The following SNAP91 variants were observed in gnomAD, a reference collection of about 807,000 sequenced individuals.
The protein encoded by SNAP91 is synaptosome associated protein 91.
SNAP91 carries 27 observed loss-of-function variants against 100.3 expected under a neutral mutation model. The ratio of observed to expected loss-of-function variants is 0.27; its 90% CI spans 0.20 to 0.37. SNAP91 has a LOEUF of 0.37. Ranked by LOEUF, SNAP91 falls within the 10% of genes least tolerant of loss-of-function variation. The pLI, the probability that SNAP91 is intolerant of heterozygous loss-of-function variation, is 1.00. For missense variants in SNAP91, 986 were observed against 1,123.7 expected, an observed-to-expected ratio of 0.88 and a Z score of 1.75; for synonymous variants, 404 against 398.6, an observed-to-expected ratio of 1.01 and a Z score of -0.16.
chr6:83,573,912 A>C (rs528714410), intron 26 of SNAP91, among the ~76,000 whole-genome samples: 68 of 152,358 alleles, frequency 4.5e-4, no homozygotes, highest in Non-Finnish European at 7.5e-4. Flanking sequence ...CATGTCTAAA[A>C]CACCAAAAGC....
intron 8 of SNAP91, among the ~76,000 whole-genome samples, chr6:83,633,577 G>A (rs997464031): frequency 2.6e-5 from 4 of 152,038 alleles, no homozygotes; most frequent in African/African-American, 9.7e-5. Context: ...TTGGGGGTGA[G>A]GTTCCCAGGT....
intron 14 of SNAP91, among the ~76,000 whole-genome samples, chr6:83,603,553 G>T (rs554885828): frequency 3.2e-4 from 48 of 151,566 alleles, no homozygotes; most frequent in Admixed American, 1.7e-3. Context: ...TGGTAAATCA[G>T]TGAGTTCGTT....
chr6:83,654,761 A>G (rs1279965374), intron 7 of SNAP91, among the ~76,000 whole-genome samples: 1 of 152,190 alleles, frequency 6.6e-6, no homozygotes, highest in Non-Finnish European at 1.5e-5. Flanking sequence ...TATGTATTTG[A>G]GAGGTTAACA....
chr6:83,704,535 T>C (rs2099355402), intron 2 of SNAP91, among the ~76,000 whole-genome samples: 1 of 152,188 alleles, frequency 6.6e-6, no homozygotes, highest in Admixed American at 6.5e-5. Context: ...GTATAAATCA[T>C]ATATCTTTAA....
chr6:83,670,108 A>G (rs1427556949), intron 2 of SNAP91, among the ~76,000 whole-genome samples: 1 of 151,994 alleles, frequency 6.6e-6, no homozygotes, highest in Non-Finnish European at 1.5e-5. Context: ...GATACCAGAT[A>G]TATCTTCCCA....
At chr6:83,608,443 A>C (rs192568074) in intron 12 of SNAP91, among the ~76,000 whole-genome samples, 1 of 152,222 alleles carries the variant, frequency 6.6e-6, no homozygotes, top group Non-Finnish European at 1.5e-5. Context: ...TTAATATATT[A>C]CAAGATTTTT....
intron 22 of SNAP91, among the ~76,000 whole-genome samples, chr6:83,583,233 C>A (rs1830935120): frequency 6.6e-6 from 1 of 152,138 alleles, no homozygotes; most frequent in Non-Finnish European, 1.5e-5. Flanking sequence ...ATCCTCAGCA[C>A]CTGGTACATG....
intron 2 of SNAP91, among the ~76,000 whole-genome samples, chr6:83,692,934 T>A (rs1378173943): frequency 2.0e-5 from 3 of 152,152 alleles, no homozygotes; most frequent in Non-Finnish European, 4.4e-5. Context: ...TATGGTCATG[T>A]GGTGTGTTTT....
chr6:83,589,177 T>C (rs1246369350), intron 22 of SNAP91, among the ~76,000 whole-genome samples: 2 of 152,164 alleles, frequency 1.3e-5, no homozygotes, highest in Non-Finnish European at 2.9e-5. Context: ...ACCCCCAAAA[T>C]GTGTATGAAG....
intron 12 of SNAP91, 66 bp downstream of exon 12, chr6:83,610,584 C>A: frequency 1.8e-6 from 1 of 552,406 alleles, no homozygotes; most frequent in Non-Finnish European, 3.4e-6. Context: ...CTGAACTGTA[C>A]ACTTTATGAT....
At chr6:83,599,837 G>C (rs986098447) in intron 16 of SNAP91, among the ~76,000 whole-genome samples, 1 of 152,110 alleles carries the variant, frequency 6.6e-6, no homozygotes, top group Non-Finnish European at 1.5e-5. Context: ...CTAGGCTAAA[G>C]TGCAGTGGCG....
intron 24 of SNAP91, 79 bp from the exon 25 acceptor site, chr6:83,576,132 T>C: frequency 2.7e-6 from 2 of 738,724 alleles, no homozygotes; most frequent in Non-Finnish European, 4.3e-6. Flanking sequence ...GATCAAATAA[T>C]CAGAAGTCTA....
intron 8 of SNAP91, among the ~76,000 whole-genome samples, chr6:83,631,565 G>A (rs2097205193): frequency 6.6e-6 from 1 of 151,984 alleles, no homozygotes; most frequent in Non-Finnish European, 1.5e-5. Flanking sequence ...TTTTCCTGTT[G>A]GACGAGACTT....
At chr6:83,672,120 C>T (rs939702154) in intron 2 of SNAP91, among the ~76,000 whole-genome samples, 2 of 152,088 alleles carry the variant, frequency 1.3e-5, no homozygotes, top group Non-Finnish European at 2.9e-5. Flanking sequence ...CTAATCTTTT[C>T]TCTGCTACAA....
intron 26 of SNAP91, among the ~76,000 whole-genome samples, chr6:83,568,687 T>C (rs892155553): frequency 2.0e-5 from 3 of 152,108 alleles, no homozygotes; most frequent in Non-Finnish European, 4.4e-5. Flanking sequence ...GCTACACCTC[T>C]AAGAAGCAAT....
chr6:83,633,961 G>A (rs116690157), intron 8 of SNAP91, among the ~76,000 whole-genome samples: 3 of 151,182 alleles, frequency 2.0e-5, no homozygotes, highest in Non-Finnish European at 4.4e-5. Context: ...GTGGGTGGGG[G>A]GAGGGCGGAG....
At chr6:83,685,289 C>G (rs1181893993) in intron 2 of SNAP91, among the ~76,000 whole-genome samples, 4 of 152,118 alleles carry the variant, frequency 2.6e-5, no homozygotes, top group African/African-American at 9.7e-5. Flanking sequence ...AGGCCTCCTT[C>G]CATAATGGAA....
chr6:83,611,923 G>C (rs1460910421), intron 11 of SNAP91, among the ~76,000 whole-genome samples: 1 of 124,330 alleles, frequency 8.0e-6, no homozygotes, highest in Non-Finnish European at 1.6e-5. Context: ...GGGTTTCACT[G>C]TCTTAGCCAG....
At position 83,641,144 on chromosome 6, in the gene SNAP91, T is replaced by G; in HGVS notation, c.717A>C (p.Arg239=). 1 of 1,549,478 alleles carries G rather than the reference T, an allele frequency of 6.5e-7. No homozygotes were observed. The highest frequency in any genetic ancestry group is 8.7e-7 in the Non-Finnish European group (1 of 1,149,422). ...QCKDALEIYK[R]FLTRMTRVSE... ...ACACTCGTGTCATTCTAGTTAGAAATCGTTTGTAAATTTCTAGAGCATCTT... is the reference window on the plus strand; with the variant it reads ...ACACTCGTGTCATTCTAGTTAGAAAGCGTTTGTAAATTTCTAGAGCATCTT... Residue 239 remains arginine (R), a synonymous_variant, in exon 8 of 30, where the codon CGA becomes CGC. Transcript: ENST00000369694.
Sources: allele counts gnomAD v4.1 joint callset (sites outside exome capture counted in the v4.1 genomes callset), GRCh38; gene constraint gnomAD v4.1.1; transcripts MANE v1.5; gene names NCBI Gene and HGNC (gene_info 2026-07-23, HGNC 2026-07-21).